The following CNTFR variants were observed in gnomAD, a reference collection of about 807,000 sequenced individuals.
CNTFR encodes the protein ciliary neurotrophic factor receptor subunit alpha.
CNTFR carries 12 observed loss-of-function variants against 40.4 expected under a neutral mutation model. The observed-to-expected ratio is 0.30, with a 90% CI of 0.19 to 0.48. CNTFR has a LOEUF of 0.48. Ranked by LOEUF, CNTFR falls within the 20% of genes least tolerant of loss-of-function variation. CNTFR has a pLI of 0.99. For missense variants in CNTFR, 414 were observed against 506.8 expected (o/e 0.82, Z 1.76); for synonymous variants, 202 against 209.6 (o/e 0.96, Z 0.31).
At chr9:34,582,600 T>A (rs777021160) in intron 1 of CNTFR, 2 of 152,178 alleles carry the variant, frequency 1.3e-5, no homozygotes, top group African/African-American at 4.8e-5. Flanking sequence ...AGGGATTCCA[T>A]GTCTTCCAAT....
intron 3 of CNTFR, among the ~76,000 whole-genome samples, chr9:34,568,444 C>T (rs1291069822): frequency 1.4e-4 from 21 of 152,168 alleles, no homozygotes; most frequent in South Asian, 2.1e-4. Context: ...CCTGTCCCTT[C>T]GTCTCATTCT....
In CNTFR at chr9:34,552,855, C is replaced by CT. The variant is rs1487370048; in HGVS notation, c.769-2dup. The CT allele has an allele frequency of 6.2e-7, 1 of 1,610,078 alleles. No individual in the cohort carries two copies. The highest frequency in any genetic ancestry group is 8.5e-7 in the Non-Finnish European group (1 of 1,179,648). ...GTGCTGTGCCGTCGGACAGCTCCAC[C>CT]TGCAGCCAGACCATGGGGTGGGGGT... On this transcript the variant is annotated splice_acceptor_variant, in intron 7 of 9. Transcript: ENST00000378980. LOFTEE classifies it high-confidence loss of function. This position sits in a 1 kb window ranked among gnomAD's most constrained non-coding sequence, Gnocchi z 5.1.
At chr9:34,554,636 A>G (rs1077962) in intron 7 of CNTFR, among the ~76,000 whole-genome samples, 18,121 of 152,282 alleles carry the variant, frequency 0.12, 1,272 homozygotes, top group Middle Eastern at 0.18. Context: ...GCTGGGTCCC[A>G]GTACTTGCCT....
At chr9:34,577,884 C>CG (rs1162629122) in intron 2 of CNTFR, among the ~76,000 whole-genome samples, 1 of 129,724 alleles carries the variant, frequency 7.7e-6, no homozygotes, top group Non-Finnish European at 1.7e-5. Context: ...CGAGCAGCCG[C>CG]GGGGGGCGGA....
chr9:34,559,018 A>G (rs1825961382), intron 4 of CNTFR, among the ~76,000 whole-genome samples: 2 of 152,122 alleles, frequency 1.3e-5, no homozygotes, highest in African/African-American at 2.4e-5. Context: ...GAGGCAGCTT[A>G]TGTGATCTGA....
intron 7 of CNTFR, 34 bp downstream of exon 7, chr9:34,556,221 G>A (rs1825829425): frequency 6.3e-7 from 1 of 1,585,300 alleles, no homozygotes; most frequent in African/African-American, 1.3e-5. Flanking sequence ...TTCTAACTCA[G>A]GCACCCAGGA....
At chr9:34,566,756 A>C (rs1300208520) in intron 3 of CNTFR, among the ~76,000 whole-genome samples, 1 of 152,136 alleles carries the variant, frequency 6.6e-6, no homozygotes, top group Non-Finnish European at 1.5e-5. Flanking sequence ...TGTGGCCCTT[A>C]ATCCTGGGGA....
In CNTFR at chr9:34,557,981, G is replaced by A. The variant is rs1204824528; in HGVS notation, c.323C>T (p.Pro108Leu). 5 of 1,540,838 alleles carry A rather than the reference G, an allele frequency of 3.2e-6. No homozygotes were observed. The highest frequency in any genetic ancestry group is 2.3e-5 in the East Asian group (1 of 44,206). The change falls in exon 5 of 10, where the codon CCG (proline) becomes CTG (leucine). Residue 108 changes from proline to leucine, a missense_variant. Physicochemically the swap from Pro to Leu is moderately conservative, Grantham distance 98. Around this residue, in one of 3 missense-constraint regions of CNTFR, gnomAD observed 250 missense variants for 269.5 expected, o/e 0.93. Transcript: ENST00000378980. This position sits in a 1 kb window ranked among gnomAD's most constrained non-coding sequence, Gnocchi z 4.2. ...GCAGCTGAGCACAGGCTCCCGCGGC[G>A]GCACTGGGGGTGAGGACAGTATGGT... ...RHQVLLHVGL[P>L]PREPVLSCRS... is the part of the protein sequence containing the mutation.
At position 34,552,059 on chromosome 9, in the gene CNTFR, G is replaced by A. The variant is rs766182259; in HGVS notation, c.*12C>T. 4 of 1,439,528 alleles carry A rather than the reference G, an allele frequency of 2.8e-6. No homozygotes were observed. Among genetic ancestry groups the A allele is most frequent in the Non-Finnish European group, 3.9e-6 (4 of 1,027,868 alleles). 89.2% of individuals were successfully genotyped at this position (1,439,528 alleles called of 1,614,324 possible). ...CTGCAGGTGCTCTGCATGTCCTCAT[G>A]GGGTGCCGGGCTCTGTAGAGACAGG... is the stretch of plus-strand genomic sequence containing the variant. On this transcript the variant is annotated 3_prime_UTR_variant, in exon 10 of 10. Coordinates refer to ENST00000378980, the MANE Select transcript of CNTFR (RefSeq NM_147164.3). The surrounding 1 kb of genome is among the most constrained non-coding windows in gnomAD (Gnocchi z 5.1).
upstream of CNTFR, among the ~76,000 whole-genome samples, chr9:34,590,697 C>G (rs1201047233): frequency 6.6e-6 from 1 of 152,220 alleles, no homozygotes; most frequent in Admixed American, 6.5e-5. Context: ...CAGGCGCACC[C>G]CTCGATAGGA....
chr9:34,561,028 C>A (rs1036823461), intron 4 of CNTFR, among the ~76,000 whole-genome samples: 1 of 152,186 alleles, frequency 6.6e-6, no homozygotes, highest in Non-Finnish European at 1.5e-5. Flanking sequence ...CCAGATCAGG[C>A]AGGGTGGGGC....
chr9:34,552,426 C>A lies in CNTFR; in HGVS notation c.950-97G>T. ...ATACCATTCTGCTTCCTGCATCAGACTGGTACTGCCTCCCCCATCAGGCAG... is the reference window on the plus strand; with the variant it reads ...ATACCATTCTGCTTCCTGCATCAGAATGGTACTGCCTCCCCCATCAGGCAG... On this transcript the variant is annotated intron_variant, in intron 8 of 9. Transcript: ENST00000378980. This position sits in a 1 kb window ranked among gnomAD's most constrained non-coding sequence, Gnocchi z 5.1. 3 of 1,286,370 alleles carry A rather than the reference C, an allele frequency of 2.3e-6. No homozygotes were observed. The highest frequency in any genetic ancestry group is 3.2e-6 in the Non-Finnish European group (3 of 950,418). 79.7% of individuals were successfully genotyped at this position (1,286,370 alleles called of 1,614,324 possible).
At chr9:34,579,437 G>A (rs368264123) in intron 2 of CNTFR, among the ~76,000 whole-genome samples, 1 of 152,120 alleles carries the variant, frequency 6.6e-6, no homozygotes, top group Non-Finnish European at 1.5e-5. Flanking sequence ...CAGAGATTGA[G>A]ACAGGCTGGG....
intron 4 of CNTFR, among the ~76,000 whole-genome samples, chr9:34,563,721 C>T (rs1826163894): frequency 6.6e-6 from 1 of 152,202 alleles, no homozygotes; most frequent in African/African-American, 2.4e-5. Flanking sequence ...CTTCTACTCT[C>T]CTGTCCTTCC....
At chr9:34,554,146 C>T (rs150248045) in intron 7 of CNTFR, among the ~76,000 whole-genome samples, 2,585 of 152,232 alleles carry the variant, frequency 0.017, 55 homozygotes, top group South Asian at 0.046. Flanking sequence ...CCTGGAAGAT[C>T]GGAGGGTCCC....
At chr9:34,580,367 T>C (rs1207376458) in intron 2 of CNTFR, among the ~76,000 whole-genome samples, 1 of 152,164 alleles carries the variant, frequency 6.6e-6, no homozygotes, top group East Asian at 1.9e-4. Flanking sequence ...CCTCCTCTCC[T>C]GGGCCCCAGC....
chr9:34,579,415 G>T (rs531421480), intron 2 of CNTFR, among the ~76,000 whole-genome samples: 7 of 152,252 alleles, frequency 4.6e-5, no homozygotes, highest in East Asian at 3.9e-4. Flanking sequence ...GAGAAGGAGG[G>T]GGGTGGAGAG....
chr9:34,588,868 C>G (rs1827656895), intron 1 of CNTFR, among the ~76,000 whole-genome samples: 1 of 152,110 alleles, frequency 6.6e-6, no homozygotes, highest in Non-Finnish European at 1.5e-5. Context: ...CAGACTGGCT[C>G]ACACTGAGCC....
intron 2 of CNTFR, among the ~76,000 whole-genome samples, chr9:34,578,415 C>G (rs1395026379): frequency 6.6e-6 from 1 of 152,118 alleles, no homozygotes; most frequent in Non-Finnish European, 1.5e-5. Context: ...CCTCCCCGCT[C>G]CGGTCCCGGC....
Sources: allele counts gnomAD v4.1 joint callset (sites outside exome capture counted in the v4.1 genomes callset), GRCh38; gene constraint gnomAD v4.1.1; regional missense constraint gnomAD v4.1.1; non-coding constraint Gnocchi (gnomAD v3.1); transcripts MANE v1.5; gene names NCBI Gene and HGNC (gene_info 2026-07-23, HGNC 2026-07-21).